Variants in REV3L observed in about 807,000 individuals in gnomAD.
REV3L encodes the protein REV3 like, DNA directed polymerase zeta catalytic subunit.
REV3L carries 69 observed loss-of-function variants against 299.4 expected under a neutral mutation model. The ratio of observed to expected loss-of-function variants is 0.23; its 90% CI spans 0.19 to 0.28. REV3L has a LOEUF of 0.28. Ranked by LOEUF, REV3L falls within the 10% of genes least tolerant of loss-of-function variation. The pLI is 1.00. For missense variants in REV3L, 3,128 were observed against 3,693.8 expected (o/e 0.85, Z 3.97); for synonymous variants, 1,238 against 1,271.4 (o/e 0.97, Z 0.56).
chr6:111,387,826 T>C lies in REV3L; in HGVS notation c.1035A>G (p.Glu345=). The change falls in exon 9 of 32, where the codon GAA becomes GAG. Residue 345 remains glutamate, a synonymous_variant. Coordinates refer to ENST00000368802, the MANE Select transcript of REV3L (RefSeq NM_001372078.1). ...TATTGGCTGGTGTACACTGAAGCAT[T>C]TCAGGAGACAGAACCTCAGAGTGCA... is the stretch of plus-strand genomic sequence containing the variant. The part of the protein sequence containing the change: ...LTLHSEVLSP[E]MLQCTPANMV... 1 of 1,613,970 alleles carries C rather than the reference T, an allele frequency of 6.2e-7. No homozygotes were observed. Among genetic ancestry groups the C allele is most frequent in the African/African-American group, 1.3e-5 (1 of 75,048 alleles).
At chr6:111,429,868 C>T (rs1006888472) in intron 1 of REV3L, among the ~76,000 whole-genome samples, 5 of 152,016 alleles carry the variant, frequency 3.3e-5, no homozygotes, top group African/African-American at 1.2e-4. Flanking sequence ...AACACCTCTA[C>T]CAGGAGTATG....
chr6:111,322,144 G>A (rs1252148560), intron 26 of REV3L, among the ~76,000 whole-genome samples: 3 of 152,160 alleles, frequency 2.0e-5, no homozygotes, highest in Non-Finnish European at 2.9e-5. Flanking sequence ...TTCTGGGGCC[G>A]AGTGGTAAGT....
At chr6:111,380,374 C>T (rs1780708685) in intron 10 of REV3L, among the ~76,000 whole-genome samples, 155 bp from the exon 11 acceptor site, 1 of 152,106 alleles carries the variant, frequency 6.6e-6, no homozygotes, top group South Asian at 2.1e-4. Flanking sequence ...ATTCTCCTGC[C>T]TCAGCCTCCC....
At chr6:111,306,265 GAA>G (rs1772279742) in intron 31 of REV3L, among the ~76,000 whole-genome samples, 2 of 152,292 alleles carry the variant, frequency 1.3e-5, no homozygotes, top group Admixed American at 1.3e-4. Context: ...ATAGGTAGAG[GAA>G]AGTGTTCCTG....
In REV3L at chr6:111,332,890, C is replaced by T. The variant is rs17539999; in HGVS notation, c.7925+233G>A. On this transcript the variant is annotated intron_variant, in intron 23 of 31. Coordinates refer to ENST00000368802, the MANE Select transcript of REV3L (RefSeq NM_001372078.1). ...CATATGGAGTGAAACAGTTGCAAGG[C>T]TGACCTATTCCCAATCCTCTTCATG... is the stretch of plus-strand genomic sequence containing the variant. Among the ~76,000 whole-genome samples, 11 of 152,160 alleles carry T rather than the reference C, an allele frequency of 7.2e-5. No individual in the cohort carries two copies. In the East Asian group the frequency reaches 1.2e-3, roughly 16 times the overall value.
intron 1 of REV3L, among the ~76,000 whole-genome samples, chr6:111,470,260 G>A (rs4945881): frequency 0.33 from 49,989 of 151,764 alleles, 10,394 homozygotes; most frequent in African/African-American, 0.57. Context: ...CTCAATAATG[G>A]CTATTATCAA....
At chr6:111,329,813 CATA>C (rs949138027) in intron 24 of REV3L, 75 bp from the exon 25 acceptor site, 10 of 1,131,024 alleles carry the variant, frequency 8.8e-6, no homozygotes, top group Non-Finnish European at 1.0e-5. Context: ...AAGCATAAAA[CATA>C]ATAATGGCCA....
At chr6:111,478,749 T>C (rs2128344582) in intron 1 of REV3L, among the ~76,000 whole-genome samples, 1 of 152,322 alleles carries the variant, frequency 6.6e-6, no homozygotes, top group Admixed American at 6.5e-5. Context: ...CATTTCAGAA[T>C]TATCAATTCC....
intron 25 of REV3L, among the ~76,000 whole-genome samples, chr6:111,324,679 TC>T (rs1168603590): frequency 1.3e-5 from 2 of 152,088 alleles, no homozygotes; most frequent in Non-Finnish European, 2.9e-5. Flanking sequence ...TAAGAAGAAT[TC>T]AGCAGCACTA....
intron 19 of REV3L, among the ~76,000 whole-genome samples, chr6:111,349,813 T>C (rs183268370): frequency 2.6e-5 from 4 of 152,346 alleles, no homozygotes; most frequent in Admixed American, 2.6e-4. Flanking sequence ...AAAAAACTAG[T>C]TCAATTTTTA....
Position 111,299,333 on chromosome 6 carries a change from TG to T in REV3L, c.*682del, listed in dbSNP as rs1771214729. 1 of 152,544 alleles carries T rather than the reference TG, an allele frequency of 6.6e-6. No homozygotes were observed. The highest frequency in any genetic ancestry group is 1.5e-5 in the Non-Finnish European group (1 of 68,026). 9.4% of individuals were successfully genotyped at this position (152,544 alleles called of 1,614,324 possible). On this transcript the variant is annotated 3_prime_UTR_variant, in exon 32 of 32. Coordinates refer to ENST00000368802, the MANE Select transcript of REV3L (RefSeq NM_001372078.1). ...AAGTATTGCAACAGGCCCACAGGTT[TG>T]TAACAAAAATGTCTTTGCACAGTTC...
intron 1 of REV3L, among the ~76,000 whole-genome samples, chr6:111,480,607 A>T (rs922780586): frequency 6.6e-6 from 1 of 152,224 alleles, no homozygotes; most frequent in African/African-American, 2.4e-5. Context: ...AATGACTTCA[A>T]ATTTTTTCTT....
At position 111,373,530 on chromosome 6, in the gene REV3L, A is replaced by C. The variant is rs760308627; in HGVS notation, c.4825T>G (p.Ser1609Ala). 11 of 1,613,216 alleles carry C rather than the reference A, an allele frequency of 6.8e-6. No homozygotes were observed. The highest frequency in any genetic ancestry group is 2.2e-5 in the East Asian group (1 of 44,886). ...GATACAGAGTTATCCAACTGGCTAG[A>C]GTTTTGTAAATTTAAAGAGTCTACT... ...LKVDSLNLQN[S>A]SQLDNSVSDD... The change falls in exon 13 of 32, where the codon TCT becomes GCT. Residue 1609 changes from serine (S) to alanine (A), a missense_variant. By Grantham distance (99) the Ser-to-Ala change is moderately conservative. Coordinates refer to ENST00000368802, the MANE Select transcript of REV3L (RefSeq NM_001372078.1).
chr6:111,426,540 T>G (rs1318046870), intron 1 of REV3L, among the ~76,000 whole-genome samples: 1 of 152,122 alleles, frequency 6.6e-6, no homozygotes, highest in African/African-American at 2.4e-5. Context: ...TATAAATAAC[T>G]CCCACAAGCT....
rs146433852 is a variant in REV3L at position 111,394,110 on chromosome 6, A to G, written c.566-1138T>C. Among the ~76,000 whole-genome samples the G allele has an allele frequency of 5.3e-5, 8 of 152,236 alleles. No individual in the cohort carries two copies. The East Asian group carries it at 1.4e-3, about 26-fold the overall frequency. On this transcript the variant is annotated intron_variant, in intron 4 of 31. Transcript: ENST00000368802. The stretch of plus-strand genomic sequence containing the variant: ...ATAAACATGGGGGTGTAGGTTATCT[A>G]TCTTTGATATATTGAATTGATTTCC...
At chr6:111,470,399 A>T (rs1792051859) in intron 1 of REV3L, among the ~76,000 whole-genome samples, 1 of 152,210 alleles carries the variant, frequency 6.6e-6, no homozygotes, top group African/African-American at 2.4e-5. Context: ...ATTATGCTGC[A>T]TCACTTTAGG....
At position 111,375,023 on chromosome 6, in the gene REV3L, C is replaced by T; in HGVS notation, c.3332G>A (p.Gly1111Asp). Residue 1111 changes from glycine to aspartate, a missense_variant, in exon 13 of 32, where the codon GGT becomes GAT. This residue lies in a region of REV3L where 2,409 missense variants were observed against 2,611.8 expected (regional missense o/e 0.92). Transcript: ENST00000368802. ...ACTTGTGCTTCTCTCAGAAAGAAAA[C>T]CTAGTTTAGACATAACATCACTATA... is the stretch of plus-strand genomic sequence containing the variant. Reference protein sequence around the residue: ...LNYSDVMSKLGFLSERSTSPI... With the variant: ...LNYSDVMSKLDFLSERSTSPI... The T allele has an allele frequency of 6.2e-7, 1 of 1,613,728 alleles. No homozygotes were observed. Among genetic ancestry groups the T allele is most frequent in the Admixed American group, 1.7e-5 (1 of 59,958 alleles).
At chr6:111,362,076 T>TA (rs1445633151) in intron 16 of REV3L, among the ~76,000 whole-genome samples, 1 of 152,208 alleles carries the variant, frequency 6.6e-6, no homozygotes, top group East Asian at 1.9e-4. Context: ...CTTTAATACA[T>TA]ATTTTTAAAA....
At chr6:111,347,217 C>A (rs770079929) in intron 20 of REV3L, among the ~76,000 whole-genome samples, 1 of 151,704 alleles carries the variant, frequency 6.6e-6, no homozygotes, top group African/African-American at 2.4e-5. Flanking sequence ...TGCGGTGAGC[C>A]GAGACTGCAC....
Sources: gnomAD v4.1 joint callset for allele counts (sites outside exome capture counted in the v4.1 genomes callset) on GRCh38, gnomAD v4.1.1 for gene constraint, gnomAD v4.1.1 regional missense constraint, MANE v1.5 for transcripts, NCBI Gene and HGNC (gene_info 2026-07-23, HGNC 2026-07-21) for gene names.